LUZP2: variants seen among roughly 807,000 people sequenced by gnomAD.
LUZP2 encodes leucine zipper protein 2.
LUZP2 carries 52 observed loss-of-function variants against 51.6 expected under a neutral mutation model. The ratio of observed to expected loss-of-function variants is 1.01; its 90% confidence interval spans 0.81 to 1.27. The LOEUF (loss-of-function observed/expected upper bound fraction) is 1.27, where lower values mean the gene tolerates loss of function less well. Ranked by LOEUF, LUZP2 falls within the 50% of genes most tolerant of loss-of-function variation. LUZP2 has a pLI of 0.00. For synonymous variants in LUZP2, 154 were observed against 137.3 expected, an observed-to-expected ratio of 1.12 and a Z score of -0.85; for missense variants, 436 against 395.4, an observed-to-expected ratio of 1.10 and a Z score of -0.87.
intron 1 of LUZP2, among the ~76,000 whole-genome samples, chr11:24,724,915 A>G (rs575200128): frequency 9.4e-4 from 143 of 152,340 alleles, no homozygotes; most frequent in African/African-American, 3.3e-3. Flanking sequence ...CCACAATAGT[A>G]GCAATAAGTC....
chr11:24,668,984 C>T (rs1040373954), intron 1 of LUZP2, among the ~76,000 whole-genome samples: 5 of 152,006 alleles, frequency 3.3e-5, no homozygotes, highest in African/African-American at 9.7e-5. Flanking sequence ...TTTCAGTAAA[C>T]GGCTTTTTCC....
At chr11:24,717,063 A>G (rs1360159905) in intron 1 of LUZP2, among the ~76,000 whole-genome samples, 3 of 152,114 alleles carry the variant, frequency 2.0e-5, no homozygotes, top group African/African-American at 7.2e-5. Flanking sequence ...TGACATGCAT[A>G]TTAAGAAGAG....
At chr11:24,688,403 G>A (rs370934102) in intron 1 of LUZP2, among the ~76,000 whole-genome samples, 37 of 152,188 alleles carry the variant, frequency 2.4e-4, no homozygotes, top group African/African-American at 5.5e-4. Flanking sequence ...GGGAACTACC[G>A]TGAGAAAGTC....
rs183858352 is a variant in LUZP2 at position 24,658,285 on chromosome 11, T to C, written c.63-70884T>C. Among the ~76,000 whole-genome samples the C allele has an allele frequency of 5.3e-3, 813 of 152,288 alleles. 2 individuals are homozygous for C. The highest frequency in any genetic ancestry group is 8.7e-3 in the Non-Finnish European group (595 of 68,022). ...AAATAATGCCGCCTATCTACAACTA[T>C]CTGATCTTTGACAAATCTGACAAAA... On this transcript the variant is annotated intron_variant, in intron 1 of 11. Transcript: ENST00000336930.
At chr11:24,647,460 T>C (rs7119980) in intron 1 of LUZP2, among the ~76,000 whole-genome samples, 101,557 of 151,748 alleles carry the variant, frequency 0.67, 34,456 homozygotes, top group East Asian at 0.94. Flanking sequence ...TTTCAAAAAG[T>C]GTTTATCTAG....
chr11:24,678,456 G>A (rs979815086), intron 1 of LUZP2, among the ~76,000 whole-genome samples: 3 of 151,958 alleles, frequency 2.0e-5, no homozygotes, highest in African/African-American at 7.3e-5. Flanking sequence ...TTCCCAGTGT[G>A]CTTGTTATAA....
chr11:25,071,114 C>T (rs1233757137), intron 10 of LUZP2, among the ~76,000 whole-genome samples: 1 of 64,568 alleles, frequency 1.5e-5, no homozygotes, highest in Non-Finnish European at 3.8e-5. Context: ...AATCATAAAT[C>T]TACTGAGGTA....
chr11:25,031,099 C>T (rs1279044408), intron 9 of LUZP2, among the ~76,000 whole-genome samples: 7 of 141,816 alleles, frequency 4.9e-5, no homozygotes, highest in Non-Finnish European at 9.1e-5. Context: ...GCAACCTCCA[C>T]CTCCCGAATT....
At position 24,561,590 on chromosome 11, in the gene LUZP2, C is replaced by T. The variant is rs183452483; in HGVS notation, c.62+64285C>T. Among the ~76,000 whole-genome samples the T allele has an allele frequency of 3.9e-4, 59 of 152,208 alleles. 1 individual carries two copies. The East Asian group carries it at 6.6e-3, about 17-fold the overall frequency. Reference sequence around the variant, plus strand: ...CAGAGAACCAAACACTGCATGTTCTCATGTTCTCACTCATAAGTGGTAGTT... The same window carrying T: ...CAGAGAACCAAACACTGCATGTTCTTATGTTCTCACTCATAAGTGGTAGTT... On this transcript the variant is annotated intron_variant, in intron 1 of 11. Transcript: ENST00000336930.
intron 10 of LUZP2, among the ~76,000 whole-genome samples, chr11:25,073,622 A>T (rs1209529127): frequency 4.6e-5 from 7 of 152,024 alleles, no homozygotes; most frequent in African/African-American, 9.7e-5. Context: ...CTTTATTGTT[A>T]AAAAAGGAGC....
chr11:25,079,038 A>T lies in LUZP2; in HGVS notation c.*380A>T, dbSNP rs1859401197. The T allele has an allele frequency of 6.0e-6, 1 of 167,294 alleles. No homozygotes were observed. The highest frequency in any genetic ancestry group is 1.6e-4 in the South Asian group (1 of 6,304). The allele number at this position is 167,294 out of a possible 1,614,324, so 10.4% of individuals were successfully genotyped here. ...TATTGTGGGTTCTCAGCATTCTTAG[A>T]ATCCAAATTACAACCATATCAGTAA... On this transcript the variant is annotated 3_prime_UTR_variant, in exon 12 of 12. Coordinates refer to ENST00000336930, the MANE Select transcript of LUZP2 (RefSeq NM_001009909.4).
intron 9 of LUZP2, among the ~76,000 whole-genome samples, chr11:25,049,450 T>G (rs933109854): frequency 6.6e-6 from 1 of 152,152 alleles, no homozygotes; most frequent in Admixed American, 6.5e-5. Context: ...AGCTTTTTCT[T>G]TTCTTTTCTT....
intron 1 of LUZP2, among the ~76,000 whole-genome samples, chr11:24,673,300 G>A (rs527618958): frequency 3.3e-4 from 50 of 152,214 alleles, no homozygotes; most frequent in African/African-American, 1.1e-3. Flanking sequence ...GTCTCTTGTT[G>A]ACAAAAATGT....
chr11:24,718,888 C>T (rs2716458), intron 1 of LUZP2, among the ~76,000 whole-genome samples: 29,510 of 152,048 alleles, frequency 0.19, 4,319 homozygotes, highest in African/African-American at 0.39. Context: ...ACAAATGATT[C>T]CTCAGGGAAT....
chr11:24,633,939 C>CAT, intron 1 of LUZP2, among the ~76,000 whole-genome samples: 1 of 148,526 alleles, frequency 6.7e-6, no homozygotes, highest in South Asian at 2.1e-4. Context: ...GTCTAACACA[C>CAT]GTGTGTGTGT....
intron 7 of LUZP2, among the ~76,000 whole-genome samples, chr11:24,967,775 A>G (rs771974411): frequency 9.9e-5 from 15 of 152,160 alleles, no homozygotes; most frequent in African/African-American, 3.1e-4. Context: ...CACATTACCT[A>G]TAAGTTCCTA....
intron 1 of LUZP2, among the ~76,000 whole-genome samples, chr11:24,532,668 A>G (rs772324518): frequency 6.6e-5 from 10 of 150,970 alleles, no homozygotes; most frequent in Non-Finnish European, 7.4e-5. Context: ...TTAGAAGGCA[A>G]TTAAGGTGGG....
intron 1 of LUZP2, among the ~76,000 whole-genome samples, chr11:24,565,131 T>G (rs1852173150): frequency 6.6e-6 from 1 of 152,104 alleles, no homozygotes; most frequent in African/African-American, 2.4e-5. Flanking sequence ...TACCAAAAAA[T>G]TGGGATTGTC....
intron 4 of LUZP2, among the ~76,000 whole-genome samples, chr11:24,750,857 A>C (rs111771460): frequency 6.6e-6 from 1 of 152,170 alleles, no homozygotes; most frequent in African/African-American, 2.4e-5. Flanking sequence ...GACATATACT[A>C]ATCTTGTGCA....
Sources: allele counts gnomAD v4.1 joint callset (sites outside exome capture counted in the v4.1 genomes callset), GRCh38; gene constraint gnomAD v4.1.1; transcripts MANE v1.5; gene names NCBI Gene and HGNC (gene_info 2026-07-23, HGNC 2026-07-21).